Variants in EDRF1 observed in about 807,000 individuals in gnomAD.
EDRF1 encodes erythroid differentiation regulatory factor 1, also known as erythroid differentiation-related factor 1.
EDRF1 carries 69 observed loss-of-function variants against 148.7 expected under a neutral mutation model. That is an observed-to-expected ratio of 0.46 (90% confidence interval 0.38 to 0.57). The LOEUF (loss-of-function observed/expected upper bound fraction) is 0.57, where lower values mean the gene tolerates loss of function less well. Among genes scored for constraint, EDRF1 ranks in the 20% least tolerant of loss-of-function variants. The pLI, the probability that EDRF1 is intolerant of heterozygous loss-of-function variation, is 0.00. For missense variants in EDRF1, 1,118 were observed against 1,478.7 expected, an observed-to-expected ratio of 0.76 and a Z score of 4.00; for synonymous variants, 515 against 532.8, an observed-to-expected ratio of 0.97 and a Z score of 0.46.
chr10:125,734,199 A>G lies in EDRF1; in HGVS notation c.1497+16A>G, dbSNP rs756285845. 16 of 1,551,332 alleles carry G rather than the reference A, an allele frequency of 1.0e-5. No individual in the cohort carries two copies. Among genetic ancestry groups the G allele is most frequent in the Non-Finnish European group, 1.3e-5 (15 of 1,123,470 alleles). ...GCATCCTCAAGTAAGATTAACATTT[A>G]TGTATTCTCTAAAACAATCCTAGCA... On this transcript the variant is annotated intron_variant, in intron 12 of 24. Coordinates refer to ENST00000356792, the MANE Select transcript of EDRF1 (RefSeq NM_001202438.2).
At chr10:125,742,970 CTTAGAAT>C (rs2133726198) in intron 17 of EDRF1, 81 bp from the exon 18 acceptor site, 5 of 1,550,058 alleles carry the variant, frequency 3.2e-6, no homozygotes, top group Non-Finnish European at 4.4e-6. Flanking sequence ...TTTTTTATTA[CTTAGAAT>C]TTAGAATCTC....
At chr10:125,728,889 A>G (rs1185814744) in intron 6 of EDRF1, 114 bp from the exon 7 acceptor site, 4 of 833,012 alleles carry the variant, frequency 4.8e-6, no homozygotes, top group Non-Finnish European at 7.3e-6. Context: ...CTAATAATTC[A>G]CAATGGTAGA....
chr10:125,746,349 A>AAATGCACAAAT (rs1333929109), intron 19 of EDRF1, among the ~76,000 whole-genome samples: 1 of 152,230 alleles, frequency 6.6e-6, no homozygotes, highest in African/African-American at 2.4e-5. Context: ...TAAAGTTCTA[A>AAATGCACAAAT]AATGCACAAA....
intron 15 of EDRF1, 152 bp from the exon 16 acceptor site, chr10:125,740,311 A>G: frequency 2.4e-6 from 2 of 833,678 alleles, no homozygotes; most frequent in East Asian, 5.3e-5. Context: ...CGGCCATTTC[A>G]CTCCAGTGTA....
chr10:125,737,660 G>A (rs756951600), intron 13 of EDRF1, among the ~76,000 whole-genome samples: 9 of 152,064 alleles, frequency 5.9e-5, no homozygotes, highest in Non-Finnish European at 8.8e-5. Context: ...GTCCAGTATC[G>A]GTGCTAATTA....
chr10:125,741,644 T>C (rs182381927), intron 17 of EDRF1: 294 of 187,008 alleles, frequency 1.6e-3, no homozygotes, highest in African/African-American at 6.7e-3. Context: ...TAACTAGAAC[T>C]AAATATAAAG....
chr10:125,755,202 C>T (rs1320087586), intron 24 of EDRF1, among the ~76,000 whole-genome samples: 1 of 152,214 alleles, frequency 6.6e-6, no homozygotes, highest in Non-Finnish European at 1.5e-5. Context: ...AAGAGTGTTT[C>T]TATCATGAAT....
At position 125,734,082 on chromosome 10, in the gene EDRF1, A is replaced by G; in HGVS notation, c.1396A>G (p.Asn466Asp). The G allele has an allele frequency of 1.2e-6, 2 of 1,612,906 alleles. No individual in the cohort carries two copies. The highest frequency in any genetic ancestry group is 1.7e-6 in the Non-Finnish European group (2 of 1,178,982). Residue 466 changes from asparagine (N) to aspartate (D), a missense_variant, in exon 12 of 25, where the codon AAC (asparagine) becomes GAC (aspartate). Physicochemically the swap from Asn to Asp is conservative, Grantham distance 23 (BLOSUM62 1). Coordinates refer to ENST00000356792, the MANE Select transcript of EDRF1 (RefSeq NM_001202438.2). Reference sequence around the variant, plus strand: ...AAACTCTTTTTTTAGGGTTGCTTGCAACATGATGATGAAGAAGAATCAAAA... The same window carrying G: ...AAACTCTTTTTTTAGGGTTGCTTGCGACATGATGATGAAGAAGAATCAAAA... ...VAILLYKVACNMMMKKNQNKK... is the reference protein window; with the variant it reads ...VAILLYKVACDMMMKKNQNKK...
intron 9 of EDRF1, among the ~76,000 whole-genome samples, chr10:125,732,989 G>A (rs1005154501): frequency 1.2e-4 from 18 of 151,878 alleles, no homozygotes; most frequent in Non-Finnish European, 7.4e-5. Context: ...ACTGACTGTA[G>A]TTTCTAGCAA....
rs370239105 is a variant in EDRF1 at position 125,738,433 on chromosome 10, T to G, written c.1969T>G (p.Phe657Val). Reference sequence around the variant, plus strand: ...GGGGCTAGAGAAGCAGATGGCCTTGTTTTTGGACAAAAGTAAGTTGAATTG... The same window carrying G: ...GGGGCTAGAGAAGCAGATGGCCTTGGTTTTGGACAAAAGTAAGTTGAATTG... ...PEGLEKQMAL[F>V]LDKMGSLQKG... Residue 657 changes from phenylalanine to valine, a missense_variant, in exon 15 of 25, where the codon TTT becomes GTT. Physicochemically the swap from Phe to Val is conservative, Grantham distance 50. Coordinates refer to ENST00000356792, the MANE Select transcript of EDRF1 (RefSeq NM_001202438.2). 6.2e-7 allele frequency: 1 copy of G among 1,614,074 alleles called. No individual in the cohort carries two copies. Among genetic ancestry groups the G allele is most frequent in the South Asian group, 1.1e-5 (1 of 91,074 alleles).
intron 24 of EDRF1, among the ~76,000 whole-genome samples, chr10:125,760,803 A>T (rs1380899474): frequency 6.6e-6 from 1 of 152,224 alleles, no homozygotes; most frequent in African/African-American, 2.4e-5. Flanking sequence ...TCAACCAACC[A>T]CAGACTGAAA....
intron 24 of EDRF1, among the ~76,000 whole-genome samples, chr10:125,758,194 ATTC>A (rs1395431504): frequency 2.2e-4 from 34 of 152,166 alleles, no homozygotes; most frequent in Non-Finnish European, 1.5e-5. Context: ...CCCTGGGTTC[ATTC>A]TTACAGTTCC....
intron 22 of EDRF1, among the ~76,000 whole-genome samples, chr10:125,752,538 G>A (rs1849694767): frequency 6.6e-6 from 1 of 152,194 alleles, no homozygotes; most frequent in Non-Finnish European, 1.5e-5. Flanking sequence ...CTTTTCCTAA[G>A]GCTCCTGTTC....
In EDRF1 at chr10:125,763,836, G is replaced by C. The variant is rs1477187432; in HGVS notation, c.*364G>C. Reference sequence around the variant, plus strand: ...TTGGATAAAATGTTACTTTGGTCAAGAGAACTTTTATCCAGATGACATTAC... The same window carrying C: ...TTGGATAAAATGTTACTTTGGTCAACAGAACTTTTATCCAGATGACATTAC... On this transcript the variant is annotated 3_prime_UTR_variant, in exon 25 of 25. Transcript: ENST00000356792. The surrounding 1 kb of genome is among the most constrained non-coding windows in gnomAD (Gnocchi z 4.3). 3.3e-6 allele frequency: 1 copy of C among 302,450 alleles called. No homozygotes were observed. Among genetic ancestry groups the C allele is most frequent in the African/African-American group, 2.2e-5 (1 of 45,656 alleles). The allele number at this position is 302,450 out of a possible 1,614,324, so 18.7% of individuals were successfully genotyped here.
At chr10:125,758,644 A>T (rs1850036611) in intron 24 of EDRF1, among the ~76,000 whole-genome samples, 1 of 152,112 alleles carries the variant, frequency 6.6e-6, no homozygotes, top group Middle Eastern at 3.2e-3. Flanking sequence ...GATCTGCAGA[A>T]GGTGATTCTT....
intron 9 of EDRF1, among the ~76,000 whole-genome samples, chr10:125,731,177 A>G (rs1848468371): frequency 6.6e-6 from 1 of 152,204 alleles, no homozygotes. Flanking sequence ...AATTTAAACA[A>G]TAAATAATTG....
In EDRF1 at chr10:125,743,185, T is replaced by C. The variant is rs753725559; in HGVS notation, c.2499T>C (p.Tyr833=). The C allele has an allele frequency of 6.2e-7, 1 of 1,613,888 alleles. No individual in the cohort carries two copies. The highest frequency in any genetic ancestry group is 2.2e-5 in the East Asian group (1 of 44,808). Residue 833 remains tyrosine (Y), a synonymous_variant, in exon 18 of 25, where the codon TAT becomes TAC. Transcript: ENST00000356792. ...SDLKSQNPEH[Y]VQVLKRMGNI... ...TGAAAAGCCAAAATCCAGAACACTATGTACAAGTATTAAAGAGAATGGGTA... is the reference window on the plus strand; with the variant it reads ...TGAAAAGCCAAAATCCAGAACACTACGTACAAGTATTAAAGAGAATGGGTA...
chr10:125,755,967 G>A (rs777344932), intron 24 of EDRF1, among the ~76,000 whole-genome samples: 2 of 151,160 alleles, frequency 1.3e-5, no homozygotes, highest in Admixed American at 6.6e-5. Context: ...AATTTCTGCC[G>A]TTCATTTCCT....
chr10:125,733,784 A>C, intron 11 of EDRF1, 41 bp downstream of exon 11: 1 of 1,551,198 alleles, frequency 6.4e-7, no homozygotes, highest in Non-Finnish European at 8.9e-7. Flanking sequence ...GTAGCCTATT[A>C]TATAAAGTTT....
Sources: gnomAD v4.1 joint callset for allele counts (sites outside exome capture counted in the v4.1 genomes callset) on GRCh38, gnomAD v4.1.1 for gene constraint, Gnocchi (gnomAD v3.1) non-coding constraint, MANE v1.5 for transcripts, NCBI Gene and HGNC (gene_info 2026-07-23, HGNC 2026-07-21) for gene names.